The following SAMD3 variants were observed in gnomAD, a reference collection of about 807,000 sequenced individuals.
SAMD3 encodes the protein sterile alpha motif domain-containing protein 3.
In SAMD3, 63 loss-of-function variants were observed where a neutral mutation model predicts 58.5. That is an observed-to-expected ratio of 1.08 (90% CI 0.88 to 1.33). SAMD3 has a LOEUF of 1.33. SAMD3 is among the 40% of genes most tolerant of loss of function. The pLI, the probability that SAMD3 is intolerant of heterozygous loss-of-function variation, is 0.00. For missense variants in SAMD3, 604 were observed against 608.4 expected, an observed-to-expected ratio of 0.99 and a Z score of 0.08; for synonymous variants, 220 against 210.3, an observed-to-expected ratio of 1.05 and a Z score of -0.40.
At chr6:130,143,682 CA>C, downstream of SAMD3, 1 of 152,296 alleles carries the variant, frequency 6.6e-6, no homozygotes, top group Non-Finnish European at 1.5e-5. Flanking sequence ...GTCTATCTTC[CA>C]AAGCTAATAA....
intron 1 of SAMD3, among the ~76,000 whole-genome samples, chr6:130,217,662 A>C (rs1246859875): frequency 2.0e-5 from 3 of 152,224 alleles, no homozygotes; most frequent in Non-Finnish European, 4.4e-5. Flanking sequence ...TATAATCTTC[A>C]AGGGACAATC....
At chr6:130,170,784 A>G (rs767180396) in intron 8 of SAMD3, among the ~76,000 whole-genome samples, 32 of 152,174 alleles carry the variant, frequency 2.1e-4, no homozygotes, top group Non-Finnish European at 5.9e-5. Flanking sequence ...GTTTTTGCAC[A>G]TTGATTTTGT....
intron 1 of SAMD3, among the ~76,000 whole-genome samples, chr6:130,335,268 T>C (rs115350985): frequency 6.6e-6 from 1 of 152,148 alleles, no homozygotes. Flanking sequence ...GACTGAGTAG[T>C]ATAGCCCTGA....
rs569687557 is a variant in SAMD3 at position 130,188,544 on chromosome 6, C to T, written c.384-3921G>A. Among the ~76,000 whole-genome samples, 4 of 152,224 alleles carry T rather than the reference C, an allele frequency of 2.6e-5. 1 individual carries two copies. In the South Asian group the frequency reaches 6.2e-4, roughly 24 times the overall value. The stretch of plus-strand genomic sequence containing the variant: ...GATTGCATTCATTACCCTGTAGATT[C>T]GGCTCCCCATTTATGCTCCAGGCAT... On this transcript the variant is annotated intron_variant, in intron 5 of 11. Coordinates refer to ENST00000439090, the MANE Select transcript of SAMD3 (RefSeq NM_001017373.4).
chr6:130,177,694 ATTTCTTTTTCT>A (rs1240748883), intron 7 of SAMD3, among the ~76,000 whole-genome samples: 1 of 151,890 alleles, frequency 6.6e-6, no homozygotes, highest in Non-Finnish European at 1.5e-5. Context: ...TTCTATTTAT[ATTTCTTTTTCT>A]TTTCTTTTCC....
At chr6:130,263,683 A>T (rs1350360904) in intron 2 of SAMD3, among the ~76,000 whole-genome samples, 2 of 152,204 alleles carry the variant, frequency 1.3e-5, no homozygotes, top group African/African-American at 4.8e-5. Flanking sequence ...TTCGCCTCAA[A>T]CTATTGCATC....
intron 1 of SAMD3, among the ~76,000 whole-genome samples, chr6:130,325,875 A>G (rs1431699716): frequency 2.0e-5 from 3 of 152,144 alleles, no homozygotes; most frequent in Non-Finnish European, 4.4e-5. Context: ...GCAGCTGCCC[A>G]TCAAAAATCT....
At chr6:130,365,359 C>T in exon 1 of SAMD3, 2 of 985,610 alleles carry the variant, frequency 2.0e-6, no homozygotes, top group Non-Finnish European at 2.4e-6. Flanking sequence ...CCCCCCAAGC[C>T]GTTCTCCGGA....
chr6:130,158,622 T>C (rs1415952633), intron 8 of SAMD3, among the ~76,000 whole-genome samples: 3 of 152,232 alleles, frequency 2.0e-5, no homozygotes, highest in Admixed American at 6.5e-5. Flanking sequence ...GTGGAGGGCC[T>C]TGACTACAAG....
At chr6:130,347,599 G>C (rs975930088) in intron 1 of SAMD3, among the ~76,000 whole-genome samples, 2 of 152,210 alleles carry the variant, frequency 1.3e-5, no homozygotes, top group African/African-American at 4.8e-5. Flanking sequence ...ATCTACGTCT[G>C]ATTGGTGTAC....
intron 2 of SAMD3, among the ~76,000 whole-genome samples, chr6:130,244,390 G>A (rs186357884): frequency 3.3e-5 from 5 of 152,254 alleles, no homozygotes; most frequent in Middle Eastern, 6.8e-3. Context: ...CTCTAGCTAT[G>A]CAATCTCCGG....
chr6:130,301,046 A>G (rs1464285197), intron 2 of SAMD3, among the ~76,000 whole-genome samples: 1 of 151,706 alleles, frequency 6.6e-6, no homozygotes, highest in Admixed American at 6.6e-5. Context: ...TTCAACTCCC[A>G]CCTATGAGTG....
At chr6:130,154,460 A>G (rs958193058) in intron 9 of SAMD3, among the ~76,000 whole-genome samples, 1 of 151,728 alleles carries the variant, frequency 6.6e-6, no homozygotes, top group Non-Finnish European at 1.5e-5. Context: ...TTGAGAGGCT[A>G]AGGCAGGCAG....
intron 5 of SAMD3, among the ~76,000 whole-genome samples, chr6:130,194,543 C>T (rs952395005): frequency 6.6e-6 from 1 of 152,226 alleles, no homozygotes; most frequent in Non-Finnish European, 1.5e-5. Context: ...CTCCAGCACA[C>T]AAGAACTTCC....
chr6:130,193,613 T>G (rs1793781561), intron 5 of SAMD3, among the ~76,000 whole-genome samples: 2 of 152,082 alleles, frequency 1.3e-5, no homozygotes, highest in Admixed American at 1.3e-4. Context: ...CCTCCATTCC[T>G]CCAACTCCCT....
chr6:130,306,431 G>T (rs945426710), intron 2 of SAMD3, among the ~76,000 whole-genome samples: 2 of 152,218 alleles, frequency 1.3e-5, no homozygotes, highest in African/African-American at 4.8e-5. Flanking sequence ...GCCTATGTTT[G>T]CTACGATTCT....
At chr6:130,175,041 A>G (rs186074395) in intron 8 of SAMD3, among the ~76,000 whole-genome samples, 1 of 152,396 alleles carries the variant, frequency 6.6e-6, no homozygotes, top group African/African-American at 2.4e-5. Flanking sequence ...TACACCAAAT[A>G]CATTCACTAA....
intron 2 of SAMD3, among the ~76,000 whole-genome samples, chr6:130,252,171 T>C (rs1773760925): frequency 6.6e-6 from 1 of 152,174 alleles, no homozygotes; most frequent in Non-Finnish European, 1.5e-5. Flanking sequence ...TAGTAACAAC[T>C]TGTGTCTTAA....
chr6:130,205,552 C>A (rs6569663), intron 5 of SAMD3, among the ~76,000 whole-genome samples: 2,936 of 151,614 alleles, frequency 0.019, 85 homozygotes, highest in African/African-American at 0.067. Context: ...GATCCACCCA[C>A]CTCAGCCTCC....
Sources: gnomAD v4.1 joint callset for allele counts (sites outside exome capture counted in the v4.1 genomes callset) on GRCh38, gnomAD v4.1.1 for gene constraint, MANE v1.5 for transcripts, NCBI Gene and HGNC (gene_info 2026-07-23, HGNC 2026-07-21) for gene names.